Variants in ATRNL1 observed in about 807,000 individuals in gnomAD.
ATRNL1 encodes the protein attractin-like protein 1.
ATRNL1 carries 95 observed loss-of-function variants against 182.7 expected under a neutral mutation model. The ratio of observed to expected loss-of-function variants is 0.52; its 90% CI spans 0.44 to 0.62. The LOEUF (loss-of-function observed/expected upper bound fraction) is 0.62. Among genes scored for constraint, ATRNL1 ranks in the 20% least tolerant of loss-of-function variants. ATRNL1 has a pLI of 0.00. For synonymous variants in ATRNL1, 576 were observed against 568.3 expected (o/e 1.01, Z -0.19); for missense variants, 1,471 against 1,679.5 (o/e 0.88, Z 2.17).
Position 115,142,174 on chromosome 10 carries a change from G to A in ATRNL1, c.829+12639G>A, listed in dbSNP as rs191372100. On this transcript the variant is annotated intron_variant, in intron 5 of 28. Coordinates refer to ENST00000355044, the MANE Select transcript of ATRNL1 (RefSeq NM_207303.4). ...AAAATTAAAGTAGAACAGAGAAAGAGGAATAGAAAGATCTGGGGGTTACAT... is the reference window on the plus strand; with the variant it reads ...AAAATTAAAGTAGAACAGAGAAAGAAGAATAGAAAGATCTGGGGGTTACAT... Among the ~76,000 whole-genome samples the A allele has an allele frequency of 7.9e-5, 12 of 152,200 alleles. No individual in the cohort carries two copies. In the East Asian group the frequency reaches 2.1e-3, roughly 27 times the overall value.
intron 24 of ATRNL1, among the ~76,000 whole-genome samples, chr10:115,509,388 G>T (rs1850274030): frequency 6.6e-6 from 1 of 151,962 alleles, no homozygotes; most frequent in Non-Finnish European, 1.5e-5. Context: ...GGAGGTGGGG[G>T]CCTGGTGGGA....
intron 5 of ATRNL1, among the ~76,000 whole-genome samples, chr10:115,135,213 A>G (rs12266312): frequency 1.7e-3 from 250 of 151,148 alleles, no homozygotes; most frequent in African/African-American, 5.0e-3. Flanking sequence ...AAGAAATAGA[A>G]GGTATTCAAT....
chr10:115,263,743 A>G (rs1451026270), intron 10 of ATRNL1, among the ~76,000 whole-genome samples: 17 of 151,788 alleles, frequency 1.1e-4, no homozygotes, highest in African/African-American at 2.9e-4. Flanking sequence ...TAACTCTAAC[A>G]TGTAAAATTG....
intron 27 of ATRNL1, among the ~76,000 whole-genome samples, chr10:115,752,400 C>T (rs1269200235): frequency 1.3e-5 from 2 of 151,996 alleles, no homozygotes; most frequent in African/African-American, 4.8e-5. Flanking sequence ...TATGAGCAAA[C>T]TCTGTTATAG....
intron 9 of ATRNL1, among the ~76,000 whole-genome samples, chr10:115,233,061 G>C (rs1554900380): frequency 6.6e-6 from 1 of 151,938 alleles, no homozygotes; most frequent in Non-Finnish European, 1.5e-5. Context: ...GGCATACTTT[G>C]ATTGTAGCTG....
At chr10:115,793,587 A>G (rs1016103883) in intron 27 of ATRNL1, among the ~76,000 whole-genome samples, 2 of 152,124 alleles carry the variant, frequency 1.3e-5, no homozygotes, top group Non-Finnish European at 2.9e-5. Context: ...TTTGGTTTTA[A>G]TAAAAACATG....
intron 19 of ATRNL1, among the ~76,000 whole-genome samples, chr10:115,390,655 T>C (rs961688116): frequency 5.3e-5 from 8 of 152,294 alleles, no homozygotes; most frequent in African/African-American, 1.9e-4. Flanking sequence ...AATTTCCATA[T>C]GAATTTTAAA....
intron 21 of ATRNL1, among the ~76,000 whole-genome samples, chr10:115,456,483 A>T (rs1360330732): frequency 6.6e-6 from 1 of 152,076 alleles, no homozygotes; most frequent in Non-Finnish European, 1.5e-5. Flanking sequence ...AGGGCCTGTC[A>T]TGGGGTGACG....
At chr10:115,459,340 C>G (rs1282560004) in intron 21 of ATRNL1, among the ~76,000 whole-genome samples, 1 of 152,126 alleles carries the variant, frequency 6.6e-6, no homozygotes, top group African/African-American at 2.4e-5. Context: ...AGCCATATTT[C>G]TCTTCTTTCA....
chr10:115,553,202 T>C (rs1442859194), intron 26 of ATRNL1, among the ~76,000 whole-genome samples: 1 of 151,270 alleles, frequency 6.6e-6, no homozygotes, highest in African/African-American at 2.4e-5. Flanking sequence ...TTTTAATAGT[T>C]ACAAGAAGTT....
intron 27 of ATRNL1, among the ~76,000 whole-genome samples, chr10:115,750,865 C>CA (rs1309445855): frequency 6.6e-6 from 1 of 151,848 alleles, no homozygotes; most frequent in Non-Finnish European, 1.5e-5. Context: ...AAAGATGTTC[C>CA]AATTCACTCA....
At position 115,948,465 on chromosome 10, in the gene ATRNL1, T is replaced by A. The variant is rs1555126564; in HGVS notation, c.*3686T>A. On this transcript the variant is annotated 3_prime_UTR_variant, in exon 29 of 29. Coordinates refer to ENST00000355044, the MANE Select transcript of ATRNL1 (RefSeq NM_207303.4). ...AAAACCCATTTGCCGTATACTAGAG[T>A]GAGCTTGGAAACTTACCTGATTACA... 6.6e-6 allele frequency: 1 copy of A among 152,198 alleles called. No individual in the cohort carries two copies. The allele number at this position is 152,198 out of a possible 1,614,324, so 9.4% of individuals were successfully genotyped here.
chr10:115,464,284 A>G (rs1048560020), intron 22 of ATRNL1, among the ~76,000 whole-genome samples: 11 of 151,978 alleles, frequency 7.2e-5, no homozygotes, highest in Non-Finnish European at 1.2e-4. Flanking sequence ...TTCTTATTCT[A>G]TAAGAAAATA....
chr10:115,825,933 A>G (rs1426013033), intron 27 of ATRNL1, among the ~76,000 whole-genome samples: 6 of 152,116 alleles, frequency 3.9e-5, no homozygotes, highest in African/African-American at 1.4e-4. Flanking sequence ...GCCTAGCGCA[A>G]TGGTGCACTG....
chr10:115,609,234 G>A (rs1416962838), intron 26 of ATRNL1, among the ~76,000 whole-genome samples: 6 of 152,042 alleles, frequency 3.9e-5, no homozygotes, highest in Non-Finnish European at 8.8e-5. Flanking sequence ...AAGCATCACT[G>A]TTTCTTTAGT....
intron 28 of ATRNL1, among the ~76,000 whole-genome samples, chr10:115,863,190 C>G (rs1951355392): frequency 6.6e-6 from 1 of 152,140 alleles, no homozygotes; most frequent in Non-Finnish European, 1.5e-5. Context: ...CCTGACCTTT[C>G]ACCTACCCAA....
At chr10:115,412,364 C>T (rs183615832) in intron 20 of ATRNL1, among the ~76,000 whole-genome samples, 1 of 152,192 alleles carries the variant, frequency 6.6e-6, no homozygotes, top group Non-Finnish European at 1.5e-5. Context: ...CACCTGATTG[C>T]AGGATTACAG....
At chr10:115,871,467 C>CCA (rs1951578505) in intron 28 of ATRNL1, among the ~76,000 whole-genome samples, 1 of 16,542 alleles carries the variant, frequency 6.0e-5, no homozygotes, top group African/African-American at 8.6e-5. Flanking sequence ...TGGTCAGATT[C>CCA]TTTGTGTGTG....
intron 20 of ATRNL1, among the ~76,000 whole-genome samples, chr10:115,404,631 A>T (rs1844733517): frequency 6.6e-6 from 1 of 152,160 alleles, no homozygotes. Context: ...TTCCATGAGT[A>T]ATTAGTATTC....
Sources: allele counts gnomAD v4.1 joint callset (sites outside exome capture counted in the v4.1 genomes callset), GRCh38; gene constraint gnomAD v4.1.1; transcripts MANE v1.5; gene names NCBI Gene and HGNC (gene_info 2026-07-23, HGNC 2026-07-21).